GALNT18: variants seen among roughly 807,000 people sequenced by gnomAD.
GALNT18 encodes the protein polypeptide N-acetylgalactosaminyltransferase 18.
In GALNT18, 44 loss-of-function variants were observed where a neutral mutation model predicts 69.5. That is an observed-to-expected ratio of 0.63 (90% confidence interval 0.50 to 0.81). The LOEUF is 0.81. Among genes scored for constraint, GALNT18 ranks in the 40% least tolerant of loss-of-function variants. The pLI is 0.00. For missense variants in GALNT18, 715 were observed against 810.0 expected (o/e 0.88, Z 1.42); for synonymous variants, 364 against 318.2 (o/e 1.14, Z -1.53).
rs180770819 is a variant in GALNT18 at position 11,392,829 on chromosome 11, G to A, written c.596-13565C>T. 2.0e-4 allele frequency among the ~76,000 whole-genome samples: 30 copies of A among 152,254 alleles called. No individual in the cohort carries two copies. In the East Asian group the frequency reaches 5.6e-3, roughly 28 times the overall value. ...ATTTTTAATTATTATGGATACTATAGCCATTCTAACATAAGGAAATGGAGG... is the reference window on the plus strand; with the variant it reads ...ATTTTTAATTATTATGGATACTATAACCATTCTAACATAAGGAAATGGAGG... On this transcript the variant is annotated intron_variant, in intron 3 of 10. Coordinates refer to ENST00000227756, the MANE Select transcript of GALNT18 (RefSeq NM_198516.3).
At position 11,420,531 on chromosome 11, in the gene GALNT18, A is replaced by G. The variant is rs139436139; in HGVS notation, c.595+12090T>C. ...CCACCAGAAGTTATTCCATACTCCA[A>G]AGATTTAATGTCAGTAGGGAGCATT... is the stretch of plus-strand genomic sequence containing the variant. On this transcript the variant is annotated intron_variant, in intron 3 of 10. Coordinates refer to ENST00000227756, the MANE Select transcript of GALNT18 (RefSeq NM_198516.3). Among the ~76,000 whole-genome samples the G allele has an allele frequency of 3.3e-4, 50 of 152,310 alleles. No individual in the cohort carries two copies. In the East Asian group the frequency reaches 7.7e-3, roughly 23 times the overall value.
At position 11,341,272 on chromosome 11, in the gene GALNT18, G is replaced by A. The variant is rs180975350; in HGVS notation, c.1093-268C>T. On this transcript the variant is annotated intron_variant, in intron 6 of 10. Transcript: ENST00000227756. This position sits in a 1 kb window ranked among gnomAD's most constrained non-coding sequence, Gnocchi z 6.3. ...ATGCACTTTTTCCCTCCACCTGTGAGCCCTACCCCACCAAAAAAAGAGACC... is the reference window on the plus strand; with the variant it reads ...ATGCACTTTTTCCCTCCACCTGTGAACCCTACCCCACCAAAAAAAGAGACC... 2.0e-5 allele frequency among the ~76,000 whole-genome samples: 3 copies of A among 152,254 alleles called. No homozygotes were observed. Among genetic ancestry groups the A allele is most frequent in the Admixed American group, 6.5e-5 (1 of 15,294 alleles).
intron 3 of GALNT18, among the ~76,000 whole-genome samples, chr11:11,417,361 C>T (rs896360033): frequency 5.9e-5 from 9 of 152,014 alleles, no homozygotes; most frequent in Non-Finnish European, 1.0e-4. Context: ...ATGAGAGAGA[C>T]GGAGAGAAAG....
chr11:11,282,112 C>T (rs766332548), intron 10 of GALNT18, among the ~76,000 whole-genome samples: 2 of 152,180 alleles, frequency 1.3e-5, no homozygotes, highest in Non-Finnish European at 2.9e-5. Flanking sequence ...AGAGATAGCA[C>T]TGGCCACCAG....
intron 10 of GALNT18, among the ~76,000 whole-genome samples, chr11:11,274,593 C>T (rs57540272): frequency 0.033 from 5,065 of 152,238 alleles, 280 homozygotes; most frequent in African/African-American, 0.12. Flanking sequence ...GGTACATGTG[C>T]AGAATGTGCA....
intron 3 of GALNT18, among the ~76,000 whole-genome samples, chr11:11,423,667 T>C (rs1318952719): frequency 6.6e-6 from 1 of 152,138 alleles, no homozygotes; most frequent in African/African-American, 2.4e-5. Context: ...AGAAAAGGGA[T>C]AAGGACAAAA....
chr11:11,475,167 C>G (rs1397831411), intron 1 of GALNT18: 1 of 144,036 alleles, frequency 6.9e-6, no homozygotes, highest in Admixed American at 7.1e-5. Flanking sequence ...AAGTGAATAA[C>G]CAAACAAGAT....
intron 6 of GALNT18, chr11:11,353,357 C>G (rs1195611719): frequency 1.7e-6 from 1 of 597,052 alleles, no homozygotes; most frequent in Non-Finnish European, 2.9e-6. Flanking sequence ...ATCTGAGAGT[C>G]ATTTTTATCA....
intron 6 of GALNT18, among the ~76,000 whole-genome samples, chr11:11,366,467 T>C (rs1436938225): frequency 6.6e-6 from 1 of 152,194 alleles, no homozygotes; most frequent in Non-Finnish European, 1.5e-5. Context: ...CTTGTTATCT[T>C]TACTGTTAAA....
chr11:11,543,601 C>A lies in GALNT18; in HGVS notation c.235+77758G>T, dbSNP rs1183367116. ...TGGGGAAGGGCAGGGCTGCATGGAACGGCAGAAAGGGCCTGGCTTCAGTGC... is the reference window on the plus strand; with the variant it reads ...TGGGGAAGGGCAGGGCTGCATGGAAAGGCAGAAAGGGCCTGGCTTCAGTGC... On this transcript the variant is annotated intron_variant, in intron 1 of 10. Coordinates refer to ENST00000227756, the MANE Select transcript of GALNT18 (RefSeq NM_198516.3). This position sits in a 1 kb window ranked among gnomAD's most constrained non-coding sequence, Gnocchi z 5.1. 6.6e-6 allele frequency among the ~76,000 whole-genome samples: 1 copy of A among 152,150 alleles called. No individual in the cohort carries two copies. The highest frequency in any genetic ancestry group is 2.4e-5 in the African/African-American group (1 of 41,440).
intron 10 of GALNT18, among the ~76,000 whole-genome samples, chr11:11,292,061 C>A (rs552318594): frequency 6.6e-6 from 1 of 152,096 alleles, no homozygotes; most frequent in East Asian, 1.9e-4. Context: ...AGCAGCTTGC[C>A]GGGAGGCTGG....
chr11:11,591,935 C>A lies in GALNT18; in HGVS notation c.235+29424G>T, dbSNP rs576555035. On this transcript the variant is annotated intron_variant, in intron 1 of 10. Coordinates refer to ENST00000227756, the MANE Select transcript of GALNT18 (RefSeq NM_198516.3). This position sits in a 1 kb window ranked among gnomAD's most constrained non-coding sequence, Gnocchi z 4.8. ...CACATAGAGTCAATTCCTATCCCAA[C>A]ACATGCTGACTGAGTGACCTCAGAT... is the stretch of plus-strand genomic sequence containing the variant. Among the ~76,000 whole-genome samples the A allele has an allele frequency of 5.3e-5, 8 of 152,296 alleles. No individual in the cohort carries two copies. In the South Asian group the frequency reaches 1.7e-3, roughly 32 times the overall value.
chr11:11,426,024 C>T (rs1855122367), intron 3 of GALNT18, among the ~76,000 whole-genome samples: 1 of 152,172 alleles, frequency 6.6e-6, no homozygotes, highest in African/African-American at 2.4e-5. Flanking sequence ...TGTGCTCCCA[C>T]CATTTTCTTG....
chr11:11,468,920 T>C (rs1387584615), intron 1 of GALNT18, among the ~76,000 whole-genome samples: 2 of 152,118 alleles, frequency 1.3e-5, no homozygotes, highest in African/African-American at 2.4e-5. Context: ...GTGAGATGGA[T>C]AGGTGAATGA....
intron 1 of GALNT18, among the ~76,000 whole-genome samples, chr11:11,506,461 C>A (rs1857071686): frequency 6.6e-6 from 1 of 152,108 alleles, no homozygotes; most frequent in Non-Finnish European, 1.5e-5. Flanking sequence ...ATGAGGGGGA[C>A]AAGGAAAAGC....
intron 6 of GALNT18, among the ~76,000 whole-genome samples, chr11:11,369,203 A>G (rs1240220283): frequency 6.6e-6 from 1 of 152,150 alleles, no homozygotes; most frequent in Non-Finnish European, 1.5e-5. Flanking sequence ...CTCTTATAAC[A>G]AAGTATCACA....
At chr11:11,522,093 C>T (rs1857411718) in intron 1 of GALNT18, among the ~76,000 whole-genome samples, 1 of 152,100 alleles carries the variant, frequency 6.6e-6, no homozygotes, top group South Asian at 2.1e-4. Context: ...TTCTACCCAC[C>T]CTAGGAAGGA....
At chr11:11,326,021 A>G (rs772702840) in intron 9 of GALNT18, among the ~76,000 whole-genome samples, 2 of 149,798 alleles carry the variant, frequency 1.3e-5, no homozygotes, top group Non-Finnish European at 3.0e-5. Flanking sequence ...ACACATAGGC[A>G]TATCTTACAT....
intron 9 of GALNT18, among the ~76,000 whole-genome samples, chr11:11,295,902 A>C (rs1468302519): frequency 6.6e-6 from 1 of 152,198 alleles, no homozygotes; most frequent in East Asian, 1.9e-4. Context: ...GCCTCTTCAA[A>C]GCTATCCTGG....
Sources: allele counts gnomAD v4.1 joint callset (sites outside exome capture counted in the v4.1 genomes callset), GRCh38; gene constraint gnomAD v4.1.1; non-coding constraint Gnocchi (gnomAD v3.1); transcripts MANE v1.5; gene names NCBI Gene and HGNC (gene_info 2026-07-23, HGNC 2026-07-21).